Variants in CD200R1 observed in about 807,000 individuals in gnomAD.
CD200R1 encodes the protein CD200 receptor 1.
In CD200R1, 30 loss-of-function variants were observed where a neutral mutation model predicts 38.1. The ratio of observed to expected loss-of-function variants is 0.79; its 90% CI spans 0.59 to 1.07. The LOEUF (loss-of-function observed/expected upper bound fraction) is 1.07, where lower values mean the gene tolerates loss of function less well. Among genes scored for constraint, CD200R1 ranks in the 50% least tolerant of loss-of-function variants. CD200R1 has a pLI of 0.00. For synonymous variants in CD200R1, 128 were observed against 152.1 expected (o/e 0.84, Z 1.16); for missense variants, 372 against 415.4 (o/e 0.90, Z 0.91).
intron 2 of CD200R1, among the ~76,000 whole-genome samples, chr3:112,938,657 C>A (rs1940642200): frequency 1.3e-5 from 2 of 152,012 alleles, no homozygotes; most frequent in African/African-American, 2.4e-5. Context: ...GGCTTCACAG[C>A]TGAATTCTAC....
chr3:112,927,100 G>A (rs1940297332), intron 5 of CD200R1, among the ~76,000 whole-genome samples: 1 of 152,080 alleles, frequency 6.6e-6, no homozygotes, highest in Non-Finnish European at 1.5e-5. Flanking sequence ...AGCAGAAAAA[G>A]GGGAGATTGG....
At chr3:112,958,261 C>T (rs1941145995) in intron 1 of CD200R1, among the ~76,000 whole-genome samples, 1 of 152,076 alleles carries the variant, frequency 6.6e-6, no homozygotes, top group African/African-American at 2.4e-5. Context: ...GGTCAATTAA[C>T]AGTTAAATCA....
chr3:112,951,356 G>A (rs1461893605), intron 1 of CD200R1, among the ~76,000 whole-genome samples: 1 of 151,972 alleles, frequency 6.6e-6, no homozygotes, highest in Non-Finnish European at 1.5e-5. Flanking sequence ...AACTGAATTT[G>A]TTGATAAAAA....
chr3:112,937,916 TA>T (rs894963252), intron 2 of CD200R1, among the ~76,000 whole-genome samples: 13 of 152,098 alleles, frequency 8.5e-5, no homozygotes, highest in African/African-American at 2.9e-4. Context: ...CTTCCCTTGT[TA>T]GTTGTTTTCC....
chr3:112,947,443 T>G (rs1940889644), intron 2 of CD200R1, among the ~76,000 whole-genome samples: 1 of 152,092 alleles, frequency 6.6e-6, no homozygotes. Flanking sequence ...TCCTAAAACT[T>G]CTCTAAAAAA....
At chr3:112,960,274 T>C (rs1932985068) in intron 1 of CD200R1, among the ~76,000 whole-genome samples, 2 of 152,078 alleles carry the variant, frequency 1.3e-5, no homozygotes, top group Non-Finnish European at 2.9e-5. Context: ...ATTGTAACAA[T>C]ATGAAATGCA....
intron 2 of CD200R1, among the ~76,000 whole-genome samples, chr3:112,940,855 T>A (rs1450531734): frequency 6.6e-6 from 1 of 151,760 alleles, no homozygotes; most frequent in Non-Finnish European, 1.5e-5. Context: ...TCTGCACCCC[T>A]ATGTTTATTA....
At position 112,974,873 on chromosome 3, in the gene CD200R1, T is replaced by C; in HGVS notation, c.-16A>G. ...GGCAGAGCATTTCTGTTTTCTCTTTTTCTGCCCTTCACTCAGTACTTTTCC... is the reference window on the plus strand; with the variant it reads ...GGCAGAGCATTTCTGTTTTCTCTTTCTCTGCCCTTCACTCAGTACTTTTCC... On this transcript the variant is annotated 5_prime_UTR_variant, in exon 1 of 8. Coordinates refer to ENST00000308611, the MANE Select transcript of CD200R1 (RefSeq NM_138806.4). 1 of 1,608,482 alleles carries C rather than the reference T, an allele frequency of 6.2e-7. No individual in the cohort carries two copies. The highest frequency in any genetic ancestry group is 2.2e-5 in the East Asian group (1 of 44,822).
At chr3:112,955,700 A>G (rs1433113198) in intron 1 of CD200R1, among the ~76,000 whole-genome samples, 2 of 151,520 alleles carry the variant, frequency 1.3e-5, no homozygotes, top group African/African-American at 4.9e-5. Context: ...AAATTCCCTC[A>G]TCTTCTGTTT....
intron 1 of CD200R1, among the ~76,000 whole-genome samples, chr3:112,956,750 G>A (rs780935637): frequency 3.3e-5 from 5 of 152,192 alleles, no homozygotes; most frequent in Non-Finnish European, 5.9e-5. Flanking sequence ...AGCACTAGGA[G>A]CATCCTAAGC....
intron 2 of CD200R1, among the ~76,000 whole-genome samples, chr3:112,936,171 T>C (rs931291512): frequency 6.6e-6 from 1 of 152,240 alleles, no homozygotes; most frequent in Non-Finnish European, 1.5e-5. Flanking sequence ...TCATGGTATA[T>C]ATGTACCACA....
intron 2 of CD200R1, among the ~76,000 whole-genome samples, chr3:112,945,570 T>A (rs9870335): frequency 0.61 from 92,702 of 151,970 alleles, 28,738 homozygotes; most frequent in African/African-American, 0.72. Flanking sequence ...TGGATCAGTG[T>A]CCTAAATATA....
chr3:112,971,036 T>G (rs1348417919), intron 1 of CD200R1, among the ~76,000 whole-genome samples: 1 of 152,192 alleles, frequency 6.6e-6, no homozygotes, highest in Non-Finnish European at 1.5e-5. Flanking sequence ...GATCATCTAC[T>G]TCATGAATGA....
intron 1 of CD200R1, among the ~76,000 whole-genome samples, chr3:112,949,201 G>A (rs1940925481): frequency 6.6e-6 from 1 of 152,250 alleles, no homozygotes; most frequent in African/African-American, 2.4e-5. Flanking sequence ...TTGGAGTTGA[G>A]GCTGGATATC....
At chr3:112,928,578 T>A (rs538178541) in intron 5 of CD200R1, among the ~76,000 whole-genome samples, 2 of 152,212 alleles carry the variant, frequency 1.3e-5, no homozygotes, top group Non-Finnish European at 2.9e-5. Context: ...GCTAATTAAC[T>A]ACTAGCATAG....
rs968916967 is a variant in CD200R1, at chr3:112,928,847, G to C, written c.738C>G (p.Gly246=). The part of the protein sequence containing the change: ...TVTCHVSHLT[G]NKSLYIELLP... Reference sequence around the variant, plus strand: ...GTAGCTCTATGTACAGACTCTTGTTGCCAGTCAAATGGGAGACGTGGCAGG... The same window carrying C: ...GTAGCTCTATGTACAGACTCTTGTTCCCAGTCAAATGGGAGACGTGGCAGG... Residue 246 remains glycine, a synonymous_variant, in exon 5 of 8, where the codon GGC becomes GGG. Transcript: ENST00000308611. The C allele has an allele frequency of 1.9e-6, 3 of 1,613,530 alleles. No individual in the cohort carries two copies. The highest frequency in any genetic ancestry group is 3.3e-5 in the Admixed American group (2 of 60,002).
At chr3:112,946,205 T>G (rs191362761) in intron 2 of CD200R1, among the ~76,000 whole-genome samples, 9 of 152,316 alleles carry the variant, frequency 5.9e-5, no homozygotes. Context: ...CCACCTGTAT[T>G]TTTTAAATCG....
intron 1 of CD200R1, among the ~76,000 whole-genome samples, chr3:112,959,018 CAT>C (rs1046912295): frequency 5.9e-5 from 9 of 152,018 alleles, no homozygotes; most frequent in African/African-American, 1.7e-4. Context: ...AGAAACAGCA[CAT>C]GATTTTCTTG....
chr3:112,970,102 TG>T (rs1933265289), intron 1 of CD200R1, among the ~76,000 whole-genome samples: 1 of 152,040 alleles, frequency 6.6e-6, no homozygotes, highest in Non-Finnish European at 1.5e-5. Flanking sequence ...AACCTGAGAC[TG>T]GGAGGTCAAG....
Sources: allele counts gnomAD v4.1 joint callset (sites outside exome capture counted in the v4.1 genomes callset), GRCh38; gene constraint gnomAD v4.1.1; transcripts MANE v1.5; gene names NCBI Gene and HGNC (gene_info 2026-07-23, HGNC 2026-07-21).